TRAK1: variants seen among roughly 807,000 people sequenced by gnomAD.
TRAK1 encodes the protein trafficking kinesin protein 1.
A neutral mutation model predicts 92.1 loss-of-function variants in TRAK1; 33 were observed. The ratio of observed to expected loss-of-function variants is 0.36; its 90% CI spans 0.27 to 0.48. The LOEUF (loss-of-function observed/expected upper bound fraction) is 0.48, where lower values mean the gene tolerates loss of function less well. Ranked by LOEUF, TRAK1 falls within the 20% of genes least tolerant of loss-of-function variation. The probability of loss-of-function intolerance (pLI) is 0.99; values close to 1 mark genes in which losing one functional copy is unlikely to be tolerated. For synonymous variants in TRAK1, 521 were observed against 517.3 expected (o/e 1.01, Z -0.10); for missense variants, 1,123 against 1,257.9 (o/e 0.89, Z 1.62).
intron 1 of TRAK1, among the ~76,000 whole-genome samples, chr3:42,015,420 G>A (rs1393168690): frequency 6.6e-6 from 1 of 152,064 alleles, no homozygotes; most frequent in East Asian, 1.9e-4. Flanking sequence ...GCTCGCTTGA[G>A]GGTGTCTCCA....
chr3:42,112,014 T>C (rs1708476117), intron 1 of TRAK1, among the ~76,000 whole-genome samples: 2 of 151,514 alleles, frequency 1.3e-5, no homozygotes, highest in Admixed American at 1.3e-4. Context: ...CTGTACCAGG[T>C]GTGTGTCTTC....
At chr3:42,059,183 C>A (rs1473711729) in intron 1 of TRAK1, among the ~76,000 whole-genome samples, 1 of 152,014 alleles carries the variant, frequency 6.6e-6, no homozygotes, top group African/African-American at 2.4e-5. Flanking sequence ...TAGCCTCAAC[C>A]TCCCAGGCTC....
intron 13 of TRAK1, among the ~76,000 whole-genome samples, chr3:42,206,425 G>A (rs904961729): frequency 1.3e-5 from 2 of 152,226 alleles, no homozygotes; most frequent in African/African-American, 4.8e-5. Context: ...GCTCTCATGT[G>A]TAAGGCCTGT....
At chr3:42,116,124 G>A (rs547121163) in intron 1 of TRAK1, among the ~76,000 whole-genome samples, 4 of 152,352 alleles carry the variant, frequency 2.6e-5, no homozygotes, top group South Asian at 2.1e-4. Context: ...GGCAAACAGC[G>A]GAAAGCGAAT....
intron 2 of TRAK1, among the ~76,000 whole-genome samples, chr3:42,143,868 A>G (rs1699006054): frequency 6.6e-6 from 1 of 152,204 alleles, no homozygotes; most frequent in Non-Finnish European, 1.5e-5. Flanking sequence ...AGCTATGGAC[A>G]GATTACTTTG....
chr3:42,054,271 C>CAGGACCT (rs1391588685), intron 1 of TRAK1, among the ~76,000 whole-genome samples: 1 of 152,190 alleles, frequency 6.6e-6, no homozygotes, highest in East Asian at 1.9e-4. Context: ...TCCTTCAGCA[C>CAGGACCT]CCCCTTTGGC....
chr3:42,096,661 C>T (rs1705967410), intron 1 of TRAK1, among the ~76,000 whole-genome samples: 1 of 152,214 alleles, frequency 6.6e-6, no homozygotes, highest in Non-Finnish European at 1.5e-5. Context: ...GGGGACGTGG[C>T]CTCATTAGAA....
intron 1 of TRAK1, among the ~76,000 whole-genome samples, chr3:42,077,970 G>A (rs140781124): frequency 0.01 from 1,557 of 152,344 alleles, 18 homozygotes; most frequent in Admixed American, 0.015. Flanking sequence ...CTTTCGTTGT[G>A]TCTACTTCTT....
At chr3:42,220,480 T>C in intron 15 of TRAK1, 1 of 985,396 alleles carries the variant, frequency 1.0e-6, no homozygotes, top group African/African-American at 1.7e-5. Flanking sequence ...CACCTTAAAC[T>C]ATGAATAATT....
chr3:42,131,163 C>G (rs969734615), intron 2 of TRAK1, among the ~76,000 whole-genome samples: 6 of 152,114 alleles, frequency 3.9e-5, no homozygotes, highest in Non-Finnish European at 7.3e-5. Context: ...TGGAGTTTAA[C>G]TGGAATCCCT....
At chr3:42,099,967 A>G (rs1052803246) in intron 1 of TRAK1, among the ~76,000 whole-genome samples, 5 of 152,006 alleles carry the variant, frequency 3.3e-5, no homozygotes, top group Non-Finnish European at 1.5e-5. Flanking sequence ...CCAGGTGAGG[A>G]TGCAGCACCA....
intron 14 of TRAK1, among the ~76,000 whole-genome samples, chr3:42,215,788 G>A (rs1187752357): frequency 6.6e-6 from 1 of 152,142 alleles, no homozygotes; most frequent in East Asian, 1.9e-4. Flanking sequence ...AAATAGCTTG[G>A]GTGTGTGGCA....
chr3:42,060,426 G>T (rs1703383027), intron 1 of TRAK1, among the ~76,000 whole-genome samples: 1 of 152,110 alleles, frequency 6.6e-6, no homozygotes, highest in Non-Finnish European at 1.5e-5. Context: ...TGGGTTCTGA[G>T]GAGCAGGGAG....
At chr3:42,040,134 G>T (rs1284377038) in intron 1 of TRAK1, among the ~76,000 whole-genome samples, 1 of 151,832 alleles carries the variant, frequency 6.6e-6, no homozygotes, top group East Asian at 1.9e-4. Flanking sequence ...TTCTTCCATG[G>T]ATTGTCTTTC....
chr3:42,166,297 G>A (rs937903226), intron 2 of TRAK1, among the ~76,000 whole-genome samples: 1 of 152,100 alleles, frequency 6.6e-6, no homozygotes, highest in African/African-American at 2.4e-5. Flanking sequence ...AACGTTAAAG[G>A]AGGTGACATA....
intron 1 of TRAK1, among the ~76,000 whole-genome samples, chr3:42,014,573 C>G (rs1039171685): frequency 6.6e-6 from 1 of 152,226 alleles, no homozygotes; most frequent in African/African-American, 2.4e-5. Context: ...CTTTTCTAGT[C>G]TCCAAGGTCA....
intron 2 of TRAK1, among the ~76,000 whole-genome samples, chr3:42,132,502 C>T (rs900930565): frequency 1.3e-5 from 2 of 152,098 alleles, no homozygotes; most frequent in East Asian, 3.9e-4. Flanking sequence ...TTGGCTCAAG[C>T]ATTCCTCCCA....
intron 1 of TRAK1, among the ~76,000 whole-genome samples, chr3:42,097,021 T>A (rs1386971765): frequency 7.2e-5 from 11 of 152,242 alleles, no homozygotes. Flanking sequence ...GTTCTGTGCA[T>A]GCGTTTGTAT....
At chr3:42,111,807 T>C (rs1454407591) in intron 1 of TRAK1, among the ~76,000 whole-genome samples, 1 of 152,188 alleles carries the variant, frequency 6.6e-6, no homozygotes, top group Non-Finnish European at 1.5e-5. Flanking sequence ...GCTGGGTTTA[T>C]AGTTTTGTAA....
Sources: gnomAD v4.1 joint callset for allele counts (sites outside exome capture counted in the v4.1 genomes callset) on GRCh38, gnomAD v4.1.1 for gene constraint, MANE v1.5 for transcripts, NCBI Gene and HGNC (gene_info 2026-07-23, HGNC 2026-07-21) for gene names.